Variants in PAPLN observed in about 807,000 individuals in gnomAD.
PAPLN encodes the protein papilin.
In PAPLN, 146 loss-of-function variants were observed where a neutral mutation model predicts 159.0. That is an observed-to-expected ratio of 0.92 (90% CI 0.80 to 1.05). The LOEUF is 1.05. Among genes scored for constraint, PAPLN ranks in the 50% least tolerant of loss-of-function variants. PAPLN has a pLI of 0.00. For missense variants in PAPLN, 1,720 were observed against 1,743.9 expected (o/e 0.99, Z 0.24); for synonymous variants, 734 against 702.9 (o/e 1.04, Z -0.70).
rs372154582 is a variant in PAPLN, at chr14:73,272,662, T to G, written c.3835T>G (p.Ter1279GluextTer2). Reference protein sequence around the residue: ...FQPHAQPIWQ* With the variant: ...FQPHAQPIWQE ...GCCTCACGCTCAGCCCATCTGGCAG[T>G]AGGGATGAAGGCTAGTTCCAGCCCC... Residue 1279 changes from the stop codon to glutamate (E), a stop_lost, in exon 27 of 27, where the codon TAG (stop) becomes GAG (glutamate). Transcript: ENST00000644200. 3 of 1,567,890 alleles carry G rather than the reference T, an allele frequency of 1.9e-6. No individual in the cohort carries two copies. Among genetic ancestry groups the G allele is most frequent in the Non-Finnish European group, 2.6e-6 (3 of 1,145,466 alleles).
intron 14 of PAPLN, among the ~76,000 whole-genome samples, chr14:73,258,072 G>A (rs1886131854): frequency 6.6e-6 from 1 of 152,078 alleles, no homozygotes; most frequent in African/African-American, 2.4e-5. Context: ...TCATTATCTA[G>A]TGTCTTTCTA....
chr14:73,270,169 C>T lies in PAPLN; in HGVS notation c.3667+1446C>T, dbSNP rs561028732. On this transcript the variant is annotated intron_variant, in intron 26 of 26. Coordinates refer to ENST00000644200, the MANE Select transcript of PAPLN (RefSeq NM_001365906.3). Reference sequence around the variant, plus strand: ...CCGCCTTGACCTCTGTCCGGGGCCTCGCTCGGCCCACCGTCTCGCTCCGCC... The same window carrying T: ...CCGCCTTGACCTCTGTCCGGGGCCTTGCTCGGCCCACCGTCTCGCTCCGCC... Among the ~76,000 whole-genome samples, 27 of 152,330 alleles carry T rather than the reference C, an allele frequency of 1.8e-4. No homozygotes were observed. The East Asian group carries it at 5.0e-3, about 28-fold the overall frequency.
rs1887135443 is a variant in PAPLN at position 73,265,552 on chromosome 14, C to T, written c.3263+45C>T. 2 of 1,597,228 alleles carry T rather than the reference C, an allele frequency of 1.3e-6. No homozygotes were observed. The highest frequency in any genetic ancestry group is 1.7e-5 in the Admixed American group (1 of 59,246). Reference sequence around the variant, plus strand: ...CCTTCCTCCTATTCTGCCTCCAGCCCCACCTTATCCTATGGAGGCCACCGG... The same window carrying T: ...CCTTCCTCCTATTCTGCCTCCAGCCTCACCTTATCCTATGGAGGCCACCGG... On this transcript the variant is annotated intron_variant, in intron 23 of 26. Coordinates refer to ENST00000644200, the MANE Select transcript of PAPLN (RefSeq NM_001365906.3). This position sits in a 1 kb window ranked among gnomAD's most constrained non-coding sequence, Gnocchi z 4.1.
chr14:73,262,842 C>T lies in PAPLN; in HGVS notation c.2723+15C>T, dbSNP rs1282526112. ...TCCTCCTACAGGTGAGGCCCACCTT[C>T]CCCAGGTGAGGGGGTTAGGACGCCC... On this transcript the variant is annotated intron_variant, in intron 19 of 26. Coordinates refer to ENST00000644200, the MANE Select transcript of PAPLN (RefSeq NM_001365906.3). 6.9e-7 allele frequency: 1 copy of T among 1,450,986 alleles called. No individual in the cohort carries two copies. Among genetic ancestry groups the T allele is most frequent in the Non-Finnish European group, 9.1e-7 (1 of 1,101,982 alleles). The allele number at this position is 1,450,986 out of a possible 1,614,324, so 89.9% of individuals were successfully genotyped here. A position where few individuals can be genotyped will look rare whatever the true frequency, so the allele number is the denominator to read the frequency against.
intron 14 of PAPLN, among the ~76,000 whole-genome samples, chr14:73,257,981 C>A (rs970736588): frequency 6.6e-6 from 1 of 152,086 alleles, no homozygotes; most frequent in African/African-American, 2.4e-5. Flanking sequence ...CCAGGCTGGT[C>A]TCGAAACTCC....
At chr14:73,246,412 T>A (rs1198335496) in intron 5 of PAPLN, among the ~76,000 whole-genome samples, 1 of 145,466 alleles carries the variant, frequency 6.9e-6, no homozygotes, top group Admixed American at 6.8e-5. Context: ...TTTTTTTTTT[T>A]TTTTTTTTTT....
intron 26 of PAPLN, 88 bp downstream of exon 26, chr14:73,268,811 T>G (rs962208926): frequency 5.9e-5 from 83 of 1,412,276 alleles, no homozygotes; most frequent in Non-Finnish European, 7.4e-5. Flanking sequence ...TCTGAGGGAC[T>G]CTGGTTTGAA....
Position 73,259,078 on chromosome 14 carries a change from C to T in PAPLN, c.1708+19C>T, listed in dbSNP as rs1203263672. ...GCCTCAGGTGAGAGCCTGGTCCCGTCCCCCACTCAGAGCCCTGTAGTTTTT... is the reference window on the plus strand; with the variant it reads ...GCCTCAGGTGAGAGCCTGGTCCCGTTCCCCACTCAGAGCCCTGTAGTTTTT... On this transcript the variant is annotated intron_variant, in intron 15 of 26. Coordinates refer to ENST00000644200, the MANE Select transcript of PAPLN (RefSeq NM_001365906.3). The T allele has an allele frequency of 6.2e-7, 1 of 1,601,354 alleles. No homozygotes were observed. The highest frequency in any genetic ancestry group is 2.2e-5 in the East Asian group (1 of 44,658).
chr14:73,238,286 C>A (rs893737631), intron 1 of PAPLN, among the ~76,000 whole-genome samples: 2 of 152,308 alleles, frequency 1.3e-5, no homozygotes, highest in African/African-American at 2.4e-5. Flanking sequence ...TCCCCGGGAA[C>A]AACACGTTGA....
At chr14:73,247,775 G>T (rs1884631847) in intron 5 of PAPLN, among the ~76,000 whole-genome samples, 1 of 127,642 alleles carries the variant, frequency 7.8e-6, no homozygotes, top group African/African-American at 3.0e-5. Context: ...AGTGGGCGTG[G>T]CCCAGTGGGA....
chr14:73,260,255 G>A (rs1482964038), intron 16 of PAPLN, among the ~76,000 whole-genome samples: 2 of 152,162 alleles, frequency 1.3e-5, no homozygotes, highest in South Asian at 2.1e-4. Flanking sequence ...CAGAGAGGGC[G>A]CCGGGCACCC....
At position 73,239,570 on chromosome 14, in the gene PAPLN, C is replaced by G. The variant is rs994794326; in HGVS notation, c.-6-203C>G. On this transcript the variant is annotated intron_variant, in intron 1 of 26. Coordinates refer to ENST00000644200, the MANE Select transcript of PAPLN (RefSeq NM_001365906.3). Reference sequence around the variant, plus strand: ...TCTGCCAGTTGCGGATGGGCCATTCCTTTCTTGCTCACATGTTGAGCCGCC... The same window carrying G: ...TCTGCCAGTTGCGGATGGGCCATTCGTTTCTTGCTCACATGTTGAGCCGCC... 35 of 950,688 alleles carry G rather than the reference C, an allele frequency of 3.7e-5. No individual in the cohort carries two copies. The South Asian group carries it at 7.2e-4, about 20-fold the overall frequency. The allele number at this position is 950,688 out of a possible 1,614,324, so 58.9% of individuals were successfully genotyped here.
chr14:73,264,743 G>GC lies in PAPLN; in HGVS notation c.3125+19dup. The GC allele has an allele frequency of 3.1e-6, 5 of 1,611,908 alleles. No individual in the cohort carries two copies. The highest frequency in any genetic ancestry group is 4.2e-6 in the Non-Finnish European group (5 of 1,179,526). On this transcript the variant is annotated intron_variant, in intron 22 of 26. Transcript: ENST00000644200. ...TGCAAACAGGTAAGAACTCAGCAAT[G>GC]CCATCTTGCCCTCCCCCACGCCAGG...
chr14:73,260,240 T>A (rs1479633647), intron 16 of PAPLN, among the ~76,000 whole-genome samples: 1 of 152,166 alleles, frequency 6.6e-6, no homozygotes, highest in African/African-American at 2.4e-5. Flanking sequence ...ACAGCATGCC[T>A]GGCACAGAGA....
intron 14 of PAPLN, among the ~76,000 whole-genome samples, chr14:73,258,016 C>A (rs535280521): frequency 6.6e-6 from 1 of 152,086 alleles, no homozygotes; most frequent in Non-Finnish European, 1.5e-5. Context: ...CCTCCTGCCT[C>A]GGCCTCCCAA....
At chr14:73,251,157 A>G in intron 7 of PAPLN, 127 bp downstream of exon 7, 4 of 1,442,746 alleles carry the variant, frequency 2.8e-6, no homozygotes, top group Non-Finnish European at 3.7e-6. Flanking sequence ...CTCTGATCAT[A>G]TCAGGTCACA....
Position 73,265,314 on chromosome 14 carries a change from G to T in PAPLN, c.3126-56G>T, listed in dbSNP as rs201310299. On this transcript the variant is annotated intron_variant, in intron 22 of 26. Coordinates refer to ENST00000644200, the MANE Select transcript of PAPLN (RefSeq NM_001365906.3). This position sits in a 1 kb window ranked among gnomAD's most constrained non-coding sequence, Gnocchi z 4.1. ...CAGGCTTGTGCAGAGGTGCCCATGG[G>T]AGTAGGCGGGGGCAACGGCAAGGGC... 58 of 1,582,762 alleles carry T rather than the reference G, an allele frequency of 3.7e-5. No homozygotes were observed. The highest frequency in any genetic ancestry group is 1.9e-5 in the Non-Finnish European group (22 of 1,168,832).
Position 73,263,723 on chromosome 14 carries a change from C to CA in PAPLN, c.2803dup (p.Thr935AsnfsTer19), listed in dbSNP as rs1487106463. On this transcript the variant is annotated frameshift_variant, in exon 20 of 27. Transcript: ENST00000644200. LOFTEE classifies it high-confidence loss of function. ...TGGTGCGGCTCTCCTGCTCAGACGA[C>CA]ACTGCCCCGGAATCCCAGGCTGCCT... 3 of 1,611,552 alleles carry CA rather than the reference C, an allele frequency of 1.9e-6. No homozygotes were observed. The African/African-American group carries it at 4.0e-5, about 22-fold the overall frequency.
At chr14:73,269,104 C>T (rs1321636518) in intron 26 of PAPLN, among the ~76,000 whole-genome samples, 1 of 152,178 alleles carries the variant, frequency 6.6e-6, no homozygotes, top group African/African-American at 2.4e-5. Flanking sequence ...CCACTCTAAT[C>T]CACTCTAAAC....
Sources: allele counts gnomAD v4.1 joint callset (sites outside exome capture counted in the v4.1 genomes callset), GRCh38; gene constraint gnomAD v4.1.1; non-coding constraint Gnocchi (gnomAD v3.1); transcripts MANE v1.5; gene names NCBI Gene and HGNC (gene_info 2026-07-23, HGNC 2026-07-21).